The following SCOC variants were observed in gnomAD, a reference collection of about 807,000 sequenced individuals.
SCOC encodes the protein short coiled-coil protein.
Under a neutral mutation model 9.9 loss-of-function variants are expected in SCOC, and 7 were observed. The ratio of observed to expected loss-of-function variants is 0.71; its 90% CI spans 0.40 to 1.33. The LOEUF (loss-of-function observed/expected upper bound fraction) is 1.33. Ranked by LOEUF, SCOC falls within the 40% of genes most tolerant of loss-of-function variation. SCOC has a pLI of 0.01. For missense variants in SCOC, 66 were observed against 89.7 expected (o/e 0.74, Z 1.07); for synonymous variants, 19 against 28.2 (o/e 0.67, Z 1.03).
chr4:140,367,262 A>AAAT (rs1727844921), intron 2 of SCOC, among the ~76,000 whole-genome samples: 1 of 151,926 alleles, frequency 6.6e-6, no homozygotes, highest in Non-Finnish European at 1.5e-5. Flanking sequence ...AATAAATAAA[A>AAAT]ATATTAGTTA....
At chr4:140,258,182 C>T (rs1467975330) in intron 1 of SCOC, among the ~76,000 whole-genome samples, 2 of 152,242 alleles carry the variant, frequency 1.3e-5, no homozygotes, top group Non-Finnish European at 2.9e-5. Flanking sequence ...TCTGCCCACA[C>T]AGCTCTAGAG....
Position 140,385,643 on chromosome 4 carries a change from T to C in SCOC, c.*4539T>C, listed in dbSNP as rs1471994874. On this transcript the variant is annotated 3_prime_UTR_variant, in exon 4 of 4. Transcript: ENST00000608372. Reference sequence around the variant, plus strand: ...TGAATTATAAAATCTAAAATTAATTTTGTGGTCCAAAGAAAAGCAAAATAG... The same window carrying C: ...TGAATTATAAAATCTAAAATTAATTCTGTGGTCCAAAGAAAAGCAAAATAG... 6.6e-6 allele frequency: 1 copy of C among 152,200 alleles called. No homozygotes were observed. The highest frequency in any genetic ancestry group is 6.5e-5 in the Admixed American group (1 of 15,276). The allele number at this position is 152,200 out of a possible 1,614,324, so 9.4% of individuals were successfully genotyped here.
chr4:140,303,965 C>T (rs1469436095), intron 1 of SCOC, among the ~76,000 whole-genome samples: 2 of 152,222 alleles, frequency 1.3e-5, no homozygotes, highest in African/African-American at 4.8e-5. Context: ...TATTATTGTG[C>T]TGTGCTAGCC....
At chr4:140,258,389 T>A (rs1037307015) in intron 1 of SCOC, among the ~76,000 whole-genome samples, 3 of 152,242 alleles carry the variant, frequency 2.0e-5, no homozygotes, top group Non-Finnish European at 4.4e-5. Flanking sequence ...TTTCCAAATG[T>A]ATAGGAGACA....
intron 1 of SCOC, among the ~76,000 whole-genome samples, chr4:140,322,893 T>C (rs1184572104): frequency 1.3e-5 from 2 of 152,028 alleles, no homozygotes. Context: ...CCCGAAGGCA[T>C]TTTGGAGATC....
At chr4:140,364,394 A>C (rs927113106) in intron 2 of SCOC, among the ~76,000 whole-genome samples, 1 of 152,220 alleles carries the variant, frequency 6.6e-6, no homozygotes, top group Non-Finnish European at 1.5e-5. Context: ...AAGTTTCCAG[A>C]TGCCATTAAG....
At chr4:140,372,719 CAG>C (rs1420574191), upstream of SCOC, among the ~76,000 whole-genome samples, 1 of 152,162 alleles carries the variant, frequency 6.6e-6, no homozygotes. Flanking sequence ...AGTCAAGAAA[CAG>C]GGAGACATAA....
chr4:140,321,018 C>T (rs1732485372), intron 1 of SCOC, among the ~76,000 whole-genome samples: 1 of 152,150 alleles, frequency 6.6e-6, no homozygotes, highest in South Asian at 2.1e-4. Flanking sequence ...TGGAGAACTA[C>T]TTACAGACTC....
chr4:140,369,541 T>C (rs1261095321), upstream of SCOC, among the ~76,000 whole-genome samples: 3 of 152,192 alleles, frequency 2.0e-5, no homozygotes, highest in Non-Finnish European at 4.4e-5. Context: ...AACCCTCTAA[T>C]TAAGACAAAA....
Position 140,261,364 on chromosome 4 carries a change from GGTCA to G in SCOC, c.-19+3963_-19+3966del, listed in dbSNP as rs1414608820. On this transcript the variant is annotated intron_variant, in intron 1 of 4. Coordinates refer to the SCOC transcript ENST00000394205. ...CAGCTCTCCAAGAGCAGTGAGCATT[GGTCA>G]GTCAGTCAACTATGTCTTACTGAAC... Among the ~76,000 whole-genome samples the G allele has an allele frequency of 2.6e-5, 4 of 152,140 alleles. No individual in the cohort carries two copies. The East Asian group carries it at 7.7e-4, about 29-fold the overall frequency.
chr4:140,310,373 G>A (rs1376916400), intron 1 of SCOC, among the ~76,000 whole-genome samples: 2 of 152,174 alleles, frequency 1.3e-5, no homozygotes, highest in Non-Finnish European at 1.5e-5. Context: ...TTCTTAGGAC[G>A]TTATGGGTGC....
chr4:140,366,376 CG>C, intron 2 of SCOC: 1 of 1,267,620 alleles, frequency 7.9e-7, no homozygotes, highest in Non-Finnish European at 1.1e-6. Flanking sequence ...TTGCCTGCAG[CG>C]GTCATCTTTT....
At chr4:140,318,184 C>T (rs1732388064) in intron 1 of SCOC, among the ~76,000 whole-genome samples, 1 of 146,308 alleles carries the variant, frequency 6.8e-6, no homozygotes, top group Non-Finnish European at 1.5e-5. Flanking sequence ...GACTTCATGT[C>T]CAAAACACCA....
chr4:140,344,712 A>C (rs1726646234), intron 2 of SCOC, among the ~76,000 whole-genome samples: 1 of 152,160 alleles, frequency 6.6e-6, no homozygotes, highest in Non-Finnish European at 1.5e-5. Flanking sequence ...CGCTGTCCTT[A>C]ACATGCTCCC....
At chr4:140,266,057 T>C (rs1245530489) in intron 1 of SCOC, among the ~76,000 whole-genome samples, 1 of 152,196 alleles carries the variant, frequency 6.6e-6, no homozygotes, top group Non-Finnish European at 1.5e-5. Context: ...GTAGGCCTGG[T>C]ACAATTAATT....
At chr4:140,348,326 C>T (rs900052196) in intron 2 of SCOC, among the ~76,000 whole-genome samples, 11 of 152,214 alleles carry the variant, frequency 7.2e-5, no homozygotes, top group African/African-American at 2.6e-4. Flanking sequence ...ACCCTCCAAC[C>T]TCTGATAATC....
intron 1 of SCOC, among the ~76,000 whole-genome samples, chr4:140,317,581 T>C (rs1732361716): frequency 6.6e-6 from 1 of 151,204 alleles, no homozygotes; most frequent in South Asian, 2.1e-4. Flanking sequence ...GCTCAGTTTT[T>C]GAGACATGAG....
intron 1 of SCOC, among the ~76,000 whole-genome samples, chr4:140,278,630 A>G (rs149768733): frequency 7.2e-5 from 11 of 152,236 alleles, no homozygotes; most frequent in Admixed American, 5.9e-4. Flanking sequence ...AGCCTTCATG[A>G]CTTAGTCACC....
At chr4:140,374,280 A>G (rs1358698043) in intron 1 of SCOC, 1 of 412,678 alleles carries the variant, frequency 2.4e-6, no homozygotes, top group Non-Finnish European at 4.9e-6. Flanking sequence ...TTGGGAAGAA[A>G]GGTTTGGAAA....
Sources: allele counts gnomAD v4.1 joint callset (sites outside exome capture counted in the v4.1 genomes callset), GRCh38; gene constraint gnomAD v4.1.1; transcripts MANE v1.5; gene names NCBI Gene and HGNC (gene_info 2026-07-23, HGNC 2026-07-21).